C12orf42: variants seen among roughly 807,000 people sequenced by gnomAD.
C12orf42 encodes uncharacterized protein C12orf42.
C12orf42 carries 25 observed loss-of-function variants against 21.6 expected under a neutral mutation model. That is an observed-to-expected ratio of 1.16 (90% CI 0.84 to 1.62). The LOEUF is 1.62. Ranked by LOEUF, C12orf42 falls within the 40% of genes most tolerant of loss-of-function variation. The pLI is 0.00. For missense variants in C12orf42, 483 were observed against 459.3 expected, an observed-to-expected ratio of 1.05 and a Z score of -0.47; for synonymous variants, 174 against 175.0, an observed-to-expected ratio of 0.99 and a Z score of 0.05.
chr12:103,303,103 C>T (rs1229352721), intron 5 of C12orf42, among the ~76,000 whole-genome samples: 2 of 152,054 alleles, frequency 1.3e-5, no homozygotes, highest in Admixed American at 1.3e-4. Flanking sequence ...AGTAAATTAA[C>T]CTAAGACTGG....
chr12:103,086,021 C>T, the C12orf42 span, among the ~76,000 whole-genome samples: 1 of 152,158 alleles, frequency 6.6e-6, no homozygotes, highest in African/African-American at 2.4e-5. Flanking sequence ...GCTCCAATAC[C>T]TCAGAGCAGA....
chr12:103,115,555 C>G, the C12orf42 span, among the ~76,000 whole-genome samples: 1 of 152,176 alleles, frequency 6.6e-6, no homozygotes, highest in Non-Finnish European at 1.5e-5. Context: ...GGCCTTAGTA[C>G]TCATCCATAA....
the C12orf42 span, among the ~76,000 whole-genome samples, chr12:103,507,127 A>AT: frequency 4.0e-4 from 7 of 17,398 alleles, no homozygotes; most frequent in African/African-American, 2.6e-3. Flanking sequence ...ATTTATATAT[A>AT]ATATATATTA....
At chr12:103,272,777 G>A (rs1593254596) in intron 5 of C12orf42, among the ~76,000 whole-genome samples, 1 of 152,096 alleles carries the variant, frequency 6.6e-6, no homozygotes, top group East Asian at 1.9e-4. Flanking sequence ...AGAAAACTGG[G>A]GTCCAGGGAG....
chr12:103,063,786 C>T, the C12orf42 span, among the ~76,000 whole-genome samples: 4 of 152,094 alleles, frequency 2.6e-5, no homozygotes, highest in South Asian at 8.3e-4. Context: ...TGATAAAGTA[C>T]TGCTTGAGTT....
At chr12:103,434,835 C>A (rs1439704840) in intron 2 of C12orf42, among the ~76,000 whole-genome samples, 5 of 152,198 alleles carry the variant, frequency 3.3e-5, no homozygotes, top group African/African-American at 1.2e-4. Flanking sequence ...GGGGCGACTG[C>A]CGTTGCCCAG....
At chr12:103,435,919 C>T (rs1191913293) in intron 2 of C12orf42, among the ~76,000 whole-genome samples, 4 of 148,960 alleles carry the variant, frequency 2.7e-5, no homozygotes, top group Non-Finnish European at 4.5e-5. Context: ...AGATACTCCT[C>T]GAGAAGAGCA....
chr12:103,309,594 C>T (rs954967669), intron 4 of C12orf42, among the ~76,000 whole-genome samples: 7 of 151,508 alleles, frequency 4.6e-5, no homozygotes, highest in African/African-American at 1.7e-4. Context: ...AAAGGTCAAT[C>T]GTAATCATTA....
the C12orf42 span, among the ~76,000 whole-genome samples, chr12:103,552,739 C>T: frequency 2.0e-4 from 30 of 152,206 alleles, no homozygotes; most frequent in Non-Finnish European, 2.9e-4. Context: ...GTTATTAGTC[C>T]ATTTTCACAC....
the C12orf42 span, among the ~76,000 whole-genome samples, chr12:103,180,146 A>AG: frequency 1.3e-5 from 2 of 152,150 alleles, no homozygotes; most frequent in Admixed American, 1.3e-4. Context: ...TAAAAAAAAA[A>AG]AAGGTGAAAA....
intron 3 of C12orf42, among the ~76,000 whole-genome samples, chr12:103,369,613 C>G (rs917124762): frequency 1.3e-5 from 2 of 151,618 alleles, no homozygotes; most frequent in Non-Finnish European, 2.9e-5. Context: ...AGAGGAGGCT[C>G]TTAAATCAAG....
the C12orf42 span, among the ~76,000 whole-genome samples, chr12:103,072,236 C>G: frequency 6.6e-6 from 1 of 152,088 alleles, no homozygotes; most frequent in African/African-American, 2.4e-5. Context: ...TCATTCTTAA[C>G]TATTTTTTAA....
intron 4 of C12orf42, among the ~76,000 whole-genome samples, chr12:103,365,273 A>G (rs1015151939): frequency 7.9e-5 from 12 of 152,066 alleles, no homozygotes; most frequent in Non-Finnish European, 1.3e-4. Context: ...AAAATCCAAT[A>G]TCTCCTTATG....
chr12:103,064,906 G>C, the C12orf42 span, among the ~76,000 whole-genome samples: 1 of 152,184 alleles, frequency 6.6e-6, no homozygotes, highest in Non-Finnish European at 1.5e-5. Context: ...AACTTACAGT[G>C]GGTCCAGTGG....
chr12:103,138,711 G>A, the C12orf42 span, among the ~76,000 whole-genome samples: 2 of 152,222 alleles, frequency 1.3e-5, no homozygotes, highest in Admixed American at 6.5e-5. Flanking sequence ...TTCAGCTGAT[G>A]TCCTGGCACA....
the C12orf42 span, among the ~76,000 whole-genome samples, chr12:103,513,474 C>T: frequency 6.6e-6 from 1 of 152,160 alleles, no homozygotes; most frequent in Non-Finnish European, 1.5e-5. Flanking sequence ...TTTGCTTAAG[C>T]CTGTCTGAGT....
At chr12:103,370,108 G>C (rs144199203) in intron 3 of C12orf42, among the ~76,000 whole-genome samples, 1 of 151,990 alleles carries the variant, frequency 6.6e-6, no homozygotes, top group African/African-American at 2.4e-5. Context: ...ACATACATGT[G>C]GCCAACAAGC....
At chr12:103,492,416 A>C (rs1239116965) in intron 1 of C12orf42, among the ~76,000 whole-genome samples, 1 of 152,206 alleles carries the variant, frequency 6.6e-6, no homozygotes, top group Admixed American at 6.5e-5. Flanking sequence ...TCTTCGTCCT[A>C]ATATTCCTCT....
At chr12:103,189,984 T>TATAC in the C12orf42 span, among the ~76,000 whole-genome samples, 130 of 151,322 alleles carry the variant, frequency 8.6e-4, no homozygotes, top group Middle Eastern at 3.4e-3. Flanking sequence ...TATATATATA[T>TATAC]ACACACACAC....
Sources: allele counts gnomAD v4.1 joint callset (sites outside exome capture counted in the v4.1 genomes callset), GRCh38; gene constraint gnomAD v4.1.1; transcripts MANE v1.5; gene names NCBI Gene and HGNC (gene_info 2026-07-23, HGNC 2026-07-21).